SGCD: variants seen among roughly 807,000 people sequenced by gnomAD.
SGCD encodes delta-sarcoglycan.
Under a neutral mutation model 36.6 loss-of-function variants are expected in SGCD, and 18 were observed. The observed-to-expected ratio is 0.49, with a 90% CI of 0.34 to 0.73. The LOEUF (loss-of-function observed/expected upper bound fraction) is 0.73. Among genes scored for constraint, SGCD ranks in the 30% least tolerant of loss-of-function variants. The pLI is 0.01. For synonymous variants in SGCD, 133 were observed against 130.6 expected (o/e 1.02, Z -0.12); for missense variants, 387 against 346.7 (o/e 1.12, Z -0.92).
At chr5:155,925,637 G>T (rs1007619426) in intron 1 of SGCD, among the ~76,000 whole-genome samples, 3 of 152,072 alleles carry the variant, frequency 2.0e-5, no homozygotes, top group East Asian at 3.9e-4. Flanking sequence ...ATTTGTTGAG[G>T]CAGGATCTTG....
chr5:155,913,833 G>A (rs1010131903), intron 1 of SGCD, among the ~76,000 whole-genome samples: 2 of 152,210 alleles, frequency 1.3e-5, no homozygotes, highest in Non-Finnish European at 2.9e-5. Context: ...TGCATAGTCT[G>A]TGCTCATCTT....
intron 3 of SGCD, among the ~76,000 whole-genome samples, chr5:156,230,378 C>A (rs1764985601): frequency 6.6e-6 from 1 of 152,178 alleles, no homozygotes; most frequent in Non-Finnish European, 1.5e-5. Context: ...GGTATTCCCT[C>A]AATGTGGTAC....
Position 156,574,625 on chromosome 5 carries a change from T to G in SGCD, c.295-14606T>G, listed in dbSNP as rs529374485. Among the ~76,000 whole-genome samples the G allele has an allele frequency of 4.0e-5, 6 of 151,804 alleles. No individual in the cohort carries two copies. The East Asian group carries it at 5.8e-4, about 15-fold the overall frequency. ...CAGGGTTAGTAGTCTGGGCTTTGGG[T>G]TTTTTTTCCCTGTGTTATTCTGATT... is the stretch of plus-strand genomic sequence containing the variant. On this transcript the variant is annotated intron_variant, in intron 4 of 8. Transcript: ENST00000337851.
intron 1 of SGCD, among the ~76,000 whole-genome samples, chr5:156,115,164 C>A (rs1288534853): frequency 6.6e-6 from 1 of 151,854 alleles, no homozygotes; most frequent in Non-Finnish European, 1.5e-5. Flanking sequence ...TTTTTAATTT[C>A]TGTTTGTAAG....
the SGCD span, among the ~76,000 whole-genome samples, chr5:155,762,163 A>G: frequency 6.6e-6 from 1 of 152,122 alleles, no homozygotes; most frequent in Non-Finnish European, 1.5e-5. Context: ...TCTTTTTCTG[A>G]CTACCCCCAC....
intron 1 of SGCD, among the ~76,000 whole-genome samples, chr5:155,926,007 C>A (rs1214483308): frequency 6.6e-6 from 1 of 152,038 alleles, no homozygotes; most frequent in Non-Finnish European, 1.5e-5. Context: ...AAGTGATCCT[C>A]CTGCTTCAGC....
intron 1 of SGCD, among the ~76,000 whole-genome samples, chr5:156,062,264 A>G (rs370680222): frequency 2.3e-5 from 1 of 42,938 alleles, no homozygotes; most frequent in Non-Finnish European, 3.7e-5. Flanking sequence ...ATATGAACTC[A>G]TCATTTTTTA....
chr5:155,754,697 T>C, the SGCD span, among the ~76,000 whole-genome samples: 1 of 151,952 alleles, frequency 6.6e-6, no homozygotes, highest in Non-Finnish European at 1.5e-5. Context: ...CATTGAAGAG[T>C]GAATTTTATT....
intron 4 of SGCD, among the ~76,000 whole-genome samples, chr5:156,540,625 T>G (rs890224822): frequency 6.6e-6 from 1 of 152,208 alleles, no homozygotes. Context: ...TGTCATTAAT[T>G]TAACAAGTAT....
intron 3 of SGCD, among the ~76,000 whole-genome samples, chr5:156,352,256 C>G (rs1257261213): frequency 6.6e-6 from 1 of 152,192 alleles, no homozygotes; most frequent in African/African-American, 2.4e-5. Context: ...TATCCCAGTA[C>G]TTGTAAAATT....
chr5:156,477,149 T>C (rs1755217491), intron 3 of SGCD, among the ~76,000 whole-genome samples: 2 of 152,102 alleles, frequency 1.3e-5, no homozygotes. Context: ...CTATGTTCTG[T>C]TGTTATGTTT....
At chr5:156,295,850 G>C (rs1302195293) in intron 3 of SGCD, among the ~76,000 whole-genome samples, 1 of 152,190 alleles carries the variant, frequency 6.6e-6, no homozygotes, top group Non-Finnish European at 1.5e-5. Context: ...AGTTTTGGAT[G>C]TGTCAGTCAG....
chr5:156,364,924 T>C (rs1405272575), intron 3 of SGCD, among the ~76,000 whole-genome samples: 3 of 152,238 alleles, frequency 2.0e-5, no homozygotes, highest in African/African-American at 7.2e-5. Flanking sequence ...TTGGGCATAC[T>C]ACCTGTCGCC....
chr5:156,670,016 C>T (rs1050276010), intron 7 of SGCD, among the ~76,000 whole-genome samples: 5 of 152,152 alleles, frequency 3.3e-5, no homozygotes, highest in African/African-American at 4.8e-5. Flanking sequence ...GTCCCCATCA[C>T]GACCAGCCCG....
At chr5:156,737,176 A>G (rs1016589560) in intron 7 of SGCD, among the ~76,000 whole-genome samples, 1 of 152,234 alleles carries the variant, frequency 6.6e-6, no homozygotes. Context: ...CCTCAATTTT[A>G]GCTGATTACA....
intron 1 of SGCD, among the ~76,000 whole-genome samples, chr5:156,000,729 T>C (rs1222160096): frequency 6.6e-6 from 1 of 151,980 alleles, no homozygotes; most frequent in Non-Finnish European, 1.5e-5. Flanking sequence ...AGACCAGTGG[T>C]TCTGAAACTT....
chr5:156,404,954 G>A (rs558295552), intron 3 of SGCD, among the ~76,000 whole-genome samples: 2 of 152,280 alleles, frequency 1.3e-5, no homozygotes, highest in African/African-American at 4.8e-5. Context: ...TATTGCCTAA[G>A]GGATTCTGCA....
chr5:156,384,420 A>G (rs1028210240), intron 3 of SGCD, among the ~76,000 whole-genome samples: 2 of 152,080 alleles, frequency 1.3e-5, no homozygotes, highest in Admixed American at 1.3e-4. Flanking sequence ...CTTGTTCTGT[A>G]ATGTGATTTC....
intron 7 of SGCD, among the ~76,000 whole-genome samples, chr5:156,748,990 G>A (rs930955954): frequency 1.3e-5 from 2 of 151,948 alleles, no homozygotes; most frequent in African/African-American, 4.8e-5. Flanking sequence ...GTCTCGAAAT[G>A]CTGACTTCAG....
Sources: gnomAD v4.1 joint callset for allele counts (sites outside exome capture counted in the v4.1 genomes callset) on GRCh38, gnomAD v4.1.1 for gene constraint, MANE v1.5 for transcripts, NCBI Gene and HGNC (gene_info 2026-07-23, HGNC 2026-07-21) for gene names.